Variants in FRMD5 observed in about 807,000 individuals in gnomAD.
The protein encoded by FRMD5 is FERM domain containing 5.
A neutral mutation model predicts 69.0 loss-of-function variants in FRMD5; 20 were observed. That is an observed-to-expected ratio of 0.29 (90% CI 0.20 to 0.42). The LOEUF is 0.42. Ranked by LOEUF, FRMD5 falls within the 10% of genes least tolerant of loss-of-function variation. The pLI is 1.00. For synonymous variants in FRMD5, 271 were observed against 260.1 expected (o/e 1.04, Z -0.40); for missense variants, 595 against 708.6 (o/e 0.84, Z 1.82).
At chr15:43,931,622 G>A (rs999292587) in intron 1 of FRMD5, among the ~76,000 whole-genome samples, 2 of 151,934 alleles carry the variant, frequency 1.3e-5, no homozygotes, top group African/African-American at 2.4e-5. Context: ...TGCATGTTTG[G>A]CAAAATCTGG....
At chr15:44,019,636 C>G (rs1237039112) in intron 1 of FRMD5, among the ~76,000 whole-genome samples, 1 of 147,840 alleles carries the variant, frequency 6.8e-6, no homozygotes, top group African/African-American at 2.5e-5. Flanking sequence ...ACTTGGGAGG[C>G]TGAGGCAGGA....
chr15:43,984,938 C>A (rs150149854), intron 1 of FRMD5, among the ~76,000 whole-genome samples: 1 of 149,872 alleles, frequency 6.7e-6, no homozygotes, highest in Non-Finnish European at 1.5e-5. Flanking sequence ...GAGCCGAGAT[C>A]GCGCCACTGC....
At chr15:44,155,893 C>T (rs1311965621) in intron 1 of FRMD5, among the ~76,000 whole-genome samples, 1 of 151,972 alleles carries the variant, frequency 6.6e-6, no homozygotes, top group Non-Finnish European at 1.5e-5. Flanking sequence ...ACACGCCTGG[C>T]TCCTCCCCAA....
At chr15:43,961,826 C>T (rs1383454292) in intron 1 of FRMD5, among the ~76,000 whole-genome samples, 1 of 152,084 alleles carries the variant, frequency 6.6e-6, no homozygotes, top group East Asian at 1.9e-4. Flanking sequence ...TCAATAGATG[C>T]AGAAAAGGCC....
intron 1 of FRMD5, among the ~76,000 whole-genome samples, chr15:44,132,382 G>A (rs1260248507): frequency 6.6e-6 from 1 of 152,166 alleles, no homozygotes; most frequent in African/African-American, 2.4e-5. Flanking sequence ...AAGATGAGAA[G>A]AGTTACTGGG....
At chr15:43,919,232 T>C (rs774379115) in intron 4 of FRMD5, 4 of 675,704 alleles carry the variant, frequency 5.9e-6, no homozygotes, top group African/African-American at 1.8e-5. Flanking sequence ...GTTCAAGAGG[T>C]AGTATTCACA....
intron 13 of FRMD5, among the ~76,000 whole-genome samples, chr15:43,880,451 C>T (rs919205231): frequency 2.6e-5 from 4 of 152,166 alleles, no homozygotes; most frequent in East Asian, 1.9e-4. Context: ...TCTTGAAAGA[C>T]GTTGCACCTG....
chr15:43,880,511 T>C (rs544972467), intron 13 of FRMD5, among the ~76,000 whole-genome samples: 3 of 152,358 alleles, frequency 2.0e-5, no homozygotes, highest in African/African-American at 7.2e-5. Context: ...ACAGGCTTGG[T>C]AGCCCCTGTA....
At chr15:43,898,941 C>T (rs1218527409) in intron 7 of FRMD5, among the ~76,000 whole-genome samples, 1 of 152,182 alleles carries the variant, frequency 6.6e-6, no homozygotes, top group Non-Finnish European at 1.5e-5. Context: ...CAGAAAGAAA[C>T]CATCAGTGTG....
At chr15:44,102,368 ATC>A (rs2140532675) in intron 1 of FRMD5, among the ~76,000 whole-genome samples, 1 of 152,350 alleles carries the variant, frequency 6.6e-6, no homozygotes, top group African/African-American at 2.4e-5. Flanking sequence ...CAGGAATATT[ATC>A]ACATAAAGTT....
rs117747845 is a variant in FRMD5 at position 44,061,551 on chromosome 15, A to G, written c.102+133402T>C. Among the ~76,000 whole-genome samples, 301 of 152,350 alleles carry G rather than the reference A, an allele frequency of 2.0e-3. 5 individuals carry two copies. In the East Asian group the frequency reaches 0.032, roughly 16 times the overall value. On this transcript the variant is annotated intron_variant, in intron 1 of 13. Coordinates refer to ENST00000417257, the MANE Select transcript of FRMD5 (RefSeq NM_032892.5). ...TGCTTTGAATTGTTTAGAGCTTCTG[A>G]TATAGGCCATAAATGTGTAACTACT...
intron 1 of FRMD5, among the ~76,000 whole-genome samples, chr15:44,077,479 T>C (rs192262613): frequency 6.6e-6 from 1 of 152,126 alleles, no homozygotes; most frequent in African/African-American, 2.4e-5. Flanking sequence ...GATAAATAAC[T>C]GCAAGATTAA....
chr15:44,128,653 C>T (rs1252643122), intron 1 of FRMD5, among the ~76,000 whole-genome samples: 1 of 151,984 alleles, frequency 6.6e-6, no homozygotes, highest in African/African-American at 2.4e-5. Flanking sequence ...CCTAAGCAAA[C>T]TGGTACCATT....
intron 1 of FRMD5, among the ~76,000 whole-genome samples, chr15:44,149,149 C>A (rs901447547): frequency 6.6e-6 from 1 of 152,004 alleles, no homozygotes; most frequent in African/African-American, 2.4e-5. Context: ...GGGGACAGAA[C>A]TGTAAAGCAT....
chr15:43,944,458 G>T (rs1365075885), intron 1 of FRMD5, among the ~76,000 whole-genome samples: 5 of 152,206 alleles, frequency 3.3e-5, no homozygotes, highest in Admixed American at 6.5e-5. Flanking sequence ...TTTCACTCTT[G>T]TTGCCCAGGC....
chr15:44,048,602 T>TCA (rs1233672786), intron 1 of FRMD5, among the ~76,000 whole-genome samples: 2 of 152,164 alleles, frequency 1.3e-5, no homozygotes, highest in African/African-American at 2.4e-5. Flanking sequence ...AGATAGAGTC[T>TCA]CACTCTGTTG....
At chr15:44,063,511 A>G in intron 1 of FRMD5, 1 of 430,992 alleles carries the variant, frequency 2.3e-6, no homozygotes, top group Non-Finnish European at 4.5e-6. Flanking sequence ...CTGGGACACC[A>G]TGGTGAAGGT....
chr15:44,157,107 A>C (rs1327262270), intron 1 of FRMD5, among the ~76,000 whole-genome samples: 1 of 152,228 alleles, frequency 6.6e-6, no homozygotes, highest in Non-Finnish European at 1.5e-5. Flanking sequence ...ATTACAAGCT[A>C]CATATCATAT....
intron 1 of FRMD5, among the ~76,000 whole-genome samples, chr15:43,983,367 A>C (rs762325585): frequency 8.5e-5 from 13 of 152,198 alleles, no homozygotes; most frequent in Non-Finnish European, 1.3e-4. Flanking sequence ...TAAATCATTA[A>C]TGGAGACTTT....
Sources: allele counts gnomAD v4.1 joint callset (sites outside exome capture counted in the v4.1 genomes callset), GRCh38; gene constraint gnomAD v4.1.1; transcripts MANE v1.5; gene names NCBI Gene and HGNC (gene_info 2026-07-23, HGNC 2026-07-21).